DMBX1: variants seen among roughly 807,000 people sequenced by gnomAD.
DMBX1 encodes diencephalon/mesencephalon homeobox 1.
In DMBX1, 7 loss-of-function variants were observed where a neutral mutation model predicts 30.4. The observed-to-expected ratio is 0.23, with a 90% CI of 0.13 to 0.43. The LOEUF is 0.43. DMBX1 is among the 20% of genes least tolerant of loss of function. The pLI is 1.00. For synonymous variants in DMBX1, 222 were observed against 214.2 expected (o/e 1.04, Z -0.32); for missense variants, 460 against 508.5 (o/e 0.90, Z 0.92).
At chr1:46,509,959 C>T (rs970177830) in intron 3 of DMBX1, among the ~76,000 whole-genome samples, 2 of 152,184 alleles carry the variant, frequency 1.3e-5, no homozygotes, top group Admixed American at 6.5e-5. Flanking sequence ...CTGGTGAATT[C>T]TGTCTGCCTA....
chr1:46,505,516 C>T (rs1344498253), intron 2 of DMBX1, among the ~76,000 whole-genome samples: 4 of 147,038 alleles, frequency 2.7e-5, no homozygotes, highest in Non-Finnish European at 6.0e-5. Flanking sequence ...AACCAAACAC[C>T]GCATATTCTC....
intron 2 of DMBX1, among the ~76,000 whole-genome samples, chr1:46,492,998 A>G (rs1283344938): frequency 6.7e-6 from 1 of 149,828 alleles, no homozygotes; most frequent in Non-Finnish European, 1.5e-5. Context: ...TATTCCCGCC[A>G]CTCTCTCCAG....
rs1666479017 is a variant in DMBX1 at position 46,515,790 on chromosome 1, C to T, written c.*3296C>T. The stretch of plus-strand genomic sequence containing the variant: ...CCCAGGCCTGCTGGGCCAACCTGGG[C>T]CTGAAAGCCAGAGGCTCAAGCTCTG... On this transcript the variant is annotated 3_prime_UTR_variant, in exon 6 of 6. Coordinates refer to ENST00000360032, the MANE Select transcript of DMBX1 (RefSeq NM_172225.2). Among the ~76,000 whole-genome samples, 2 of 152,374 alleles carry T rather than the reference C, an allele frequency of 1.3e-5. No homozygotes were observed. Among genetic ancestry groups the T allele is most frequent in the South Asian group, 4.1e-4 (2 of 4,832 alleles).
chr1:46,509,576 C>A (rs182596743), intron 3 of DMBX1, among the ~76,000 whole-genome samples: 14 of 152,114 alleles, frequency 9.2e-5, no homozygotes, highest in African/African-American at 3.4e-4. Context: ...GAAGGCTATA[C>A]CCCAGGATGG....
rs11447451 is a variant in DMBX1 at position 46,502,359 on chromosome 1, CTT to C, written c.-12-4631_-12-4630del. On this transcript the variant is annotated intron_variant, in intron 2 of 5. Coordinates refer to ENST00000360032, the MANE Select transcript of DMBX1 (RefSeq NM_172225.2). The stretch of plus-strand genomic sequence containing the variant: ...GTTCAGGATGGAAACCTGAGTTATC[CTT>C]TTTTTTTTCCCCTCTTTTCCTCACA... Among the ~76,000 whole-genome samples, 2,566 of 149,540 alleles carry C rather than the reference CTT, an allele frequency of 0.017. 196 individuals carry two copies. In the East Asian group the frequency reaches 0.23, roughly 14 times the overall value.
intron 2 of DMBX1, among the ~76,000 whole-genome samples, chr1:46,494,398 G>T (rs1665989224): frequency 1.3e-5 from 2 of 152,210 alleles, no homozygotes; most frequent in African/African-American, 4.8e-5. Flanking sequence ...TAGGCGGAGG[G>T]GCCTCCCTCA....
intron 2 of DMBX1, among the ~76,000 whole-genome samples, chr1:46,501,236 T>TCCG (rs1666125717): frequency 7.8e-6 from 1 of 128,444 alleles, no homozygotes. Context: ...CTTTCTTTCT[T>TCCG]TCTTTCTTTC....
intron 2 of DMBX1, among the ~76,000 whole-genome samples, chr1:46,495,683 T>C (rs1168712384): frequency 6.6e-6 from 1 of 152,242 alleles, no homozygotes; most frequent in Non-Finnish European, 1.5e-5. Flanking sequence ...ACTGCTAAAA[T>C]TGGATGATTT....
chr1:46,500,423 A>G (rs945069687), intron 2 of DMBX1, among the ~76,000 whole-genome samples: 1 of 152,144 alleles, frequency 6.6e-6, no homozygotes, highest in Non-Finnish European at 1.5e-5. Flanking sequence ...CAAAAGCAGG[A>G]GTTGGGATGG....
rs1666426933 is a variant in DMBX1 at position 46,513,445 on chromosome 1, C to T, written c.*951C>T. ...TGAATTACTTTCTCTTCTCTCTTCT[C>T]AATTTTGAGGTCCTCATTCCCAAGA... On this transcript the variant is annotated 3_prime_UTR_variant, in exon 6 of 6. Coordinates refer to ENST00000360032, the MANE Select transcript of DMBX1 (RefSeq NM_172225.2). The T allele has an allele frequency of 6.6e-6, 1 of 152,162 alleles. No homozygotes were observed. Among genetic ancestry groups the T allele is most frequent in the African/African-American group, 2.4e-5 (1 of 41,440 alleles). The allele number at this position is 152,162 out of a possible 1,614,324, so 9.4% of individuals were successfully genotyped here. A position where few individuals can be genotyped will look rare whatever the true frequency, so the allele number is the denominator to read the frequency against.
At chr1:46,501,213 C>CCTTCCTTCCTTTCTTTCTTT (rs1179560561) in intron 2 of DMBX1, among the ~76,000 whole-genome samples, 34 of 74,548 alleles carry the variant, frequency 4.6e-4, no homozygotes, top group African/African-American at 1.5e-3. Context: ...TTCCTTCCTT[C>CCTTCCTTCCTTTCTTTCTTT]CTTTCTTTCT....
Position 46,514,632 on chromosome 1 carries a change from A to G in DMBX1, c.*2138A>G, listed in dbSNP as rs777837651. Among the ~76,000 whole-genome samples, 11 of 151,976 alleles carry G rather than the reference A, an allele frequency of 7.2e-5. No homozygotes were observed. Among genetic ancestry groups the G allele is most frequent in the Middle Eastern group, 3.2e-3 (1 of 316 alleles). ...CAGTGGGAGGTGATGGCTTGGACAGATTCTTGGTCATGCTCCCCAACTCTT... is the reference window on the plus strand; with the variant it reads ...CAGTGGGAGGTGATGGCTTGGACAGGTTCTTGGTCATGCTCCCCAACTCTT... On this transcript the variant is annotated 3_prime_UTR_variant, in exon 6 of 6. Coordinates refer to ENST00000360032, the MANE Select transcript of DMBX1 (RefSeq NM_172225.2).
intron 5 of DMBX1, among the ~76,000 whole-genome samples, 162 bp downstream of exon 5, chr1:46,511,445 C>T (rs540318569): frequency 2.0e-5 from 3 of 152,148 alleles, no homozygotes; most frequent in Non-Finnish European, 2.9e-5. Flanking sequence ...GTTGCAGAGC[C>T]GTGGGAAGGT....
chr1:46,506,685 A>T (rs180676944), intron 2 of DMBX1, among the ~76,000 whole-genome samples: 1 of 152,344 alleles, frequency 6.6e-6, no homozygotes, highest in East Asian at 1.9e-4. Context: ...TATGGGTCAG[A>T]TAAGTTAAAG....
rs1886116 is a variant in DMBX1, at chr1:46,511,165, C to G, written c.564C>G (p.Pro188=). ...AGCAGTCAGCCAGTGAGTCAGCCCC[C>G]GAGGATCAGCCGGACCGTGAGGAGG... ...LSEQSASESA[P]EDQPDREEDP... The change falls in exon 5 of 6, where the codon CCC becomes CCG. Residue 188 remains proline (P), a synonymous_variant. Transcript: ENST00000360032. 6.2e-7 allele frequency: 1 copy of G among 1,613,324 alleles called. No homozygotes were observed. Among genetic ancestry groups the G allele is most frequent in the Non-Finnish European group, 8.5e-7 (1 of 1,179,772 alleles).
intron 3 of DMBX1, among the ~76,000 whole-genome samples, chr1:46,509,640 C>G (rs1274214859): frequency 6.6e-6 from 1 of 152,146 alleles, no homozygotes; most frequent in African/African-American, 2.4e-5. Flanking sequence ...ATCATGTTAC[C>G]AGACATGTGG....
chr1:46,492,702 G>A (rs7551162), intron 2 of DMBX1, among the ~76,000 whole-genome samples: 6,846 of 149,972 alleles, frequency 0.046, 420 homozygotes, highest in East Asian at 0.24. Flanking sequence ...TGACAGGCAC[G>A]CAGAGTGGGA....
At chr1:46,505,869 C>T (rs1300643153) in intron 2 of DMBX1, among the ~76,000 whole-genome samples, 3 of 151,458 alleles carry the variant, frequency 2.0e-5, no homozygotes, top group Non-Finnish European at 4.4e-5. Context: ...CAACTTGTCA[C>T]TGTTCTTTCT....
In DMBX1 at chr1:46,493,663, G is replaced by A. The variant is rs1167896348; in HGVS notation, c.-13+2880G>A. Among the ~76,000 whole-genome samples, 1 of 152,364 alleles carries A rather than the reference G, an allele frequency of 6.6e-6. No homozygotes were observed. Among genetic ancestry groups the A allele is most frequent in the South Asian group, 2.1e-4 (1 of 4,834 alleles). On this transcript the variant is annotated intron_variant, in intron 2 of 5. Transcript: ENST00000360032. The surrounding 1 kb of genome is among the most constrained non-coding windows in gnomAD (Gnocchi z 4.1). Reference sequence around the variant, plus strand: ...CTGGTCTACAGCCACTGTGGGCGCTGCTTCCATGAGCCCCGAGGCCACTGG... The same window carrying A: ...CTGGTCTACAGCCACTGTGGGCGCTACTTCCATGAGCCCCGAGGCCACTGG...
Sources: gnomAD v4.1 joint callset for allele counts (sites outside exome capture counted in the v4.1 genomes callset) on GRCh38, gnomAD v4.1.1 for gene constraint, Gnocchi (gnomAD v3.1) non-coding constraint, MANE v1.5 for transcripts, NCBI Gene and HGNC (gene_info 2026-07-23, HGNC 2026-07-21) for gene names.